EPB41L3: variants seen among roughly 807,000 people sequenced by gnomAD.
EPB41L3 encodes the protein band 4.1-like protein 3.
A neutral mutation model predicts 127.1 loss-of-function variants in EPB41L3; 57 were observed. The observed-to-expected ratio is 0.45, with a 90% CI of 0.36 to 0.56. The LOEUF is 0.56. Among genes scored for constraint, EPB41L3 ranks in the 20% least tolerant of loss-of-function variants. The pLI, the probability that EPB41L3 is intolerant of heterozygous loss-of-function variation, is 0.00. For synonymous variants in EPB41L3, 572 were observed against 549.5 expected, an observed-to-expected ratio of 1.04 and a Z score of -0.57; for missense variants, 1,273 against 1,372.2, an observed-to-expected ratio of 0.93 and a Z score of 1.14.
At chr18:5,581,991 T>G (rs1253403994) in intron 3 of EPB41L3, among the ~76,000 whole-genome samples, 1 of 152,168 alleles carries the variant, frequency 6.6e-6, no homozygotes, top group Admixed American at 6.6e-5. Context: ...AGGGAGACCC[T>G]GTCTTAAAAA....
At chr18:5,423,874 T>C (rs529371424) in intron 10 of EPB41L3, among the ~76,000 whole-genome samples, 1 of 152,238 alleles carries the variant, frequency 6.6e-6, no homozygotes, top group Admixed American at 6.5e-5. Flanking sequence ...GAGTGACAAT[T>C]TGGTGTTGGG....
chr18:5,548,229 A>C (rs2093912631), upstream of EPB41L3, among the ~76,000 whole-genome samples: 1 of 152,216 alleles, frequency 6.6e-6, no homozygotes, highest in Non-Finnish European at 1.5e-5. Flanking sequence ...CATAATTCAA[A>C]AGCAACAAGC....
chr18:5,501,277 A>AAATGAATGAATG lies in EPB41L3; in HGVS notation c.-11-12095_-11-12084dup, dbSNP rs77332925. Among the ~76,000 whole-genome samples, 75 of 150,994 alleles carry AAATGAATGAATG rather than the reference A, an allele frequency of 5.0e-4. 2 individuals carry two copies. The East Asian group carries it at 8.3e-3, about 17-fold the overall frequency. On this transcript the variant is annotated intron_variant, in intron 1 of 22. Coordinates refer to ENST00000341928, the MANE Select transcript of EPB41L3 (RefSeq NM_012307.5). Reference sequence around the variant, plus strand: ...GCAGACTGGGGGTCATTAAGTATTTAAATGAATGAATGAATGAATGAATGA... The same window carrying AAATGAATGAATG: ...GCAGACTGGGGGTCATTAAGTATTTAAATGAATGAATGAATGAATGAATGAATGAATGAATGA...
chr18:5,418,048 TGAA>T (rs897770276), intron 12 of EPB41L3, among the ~76,000 whole-genome samples: 2 of 152,332 alleles, frequency 1.3e-5, no homozygotes, highest in African/African-American at 4.8e-5. Flanking sequence ...CGTTACTTTT[TGAA>T]GAAGGAGAAG....
intron 3 of EPB41L3, among the ~76,000 whole-genome samples, chr18:5,580,407 T>C (rs181021794): frequency 6.6e-6 from 1 of 151,940 alleles, no homozygotes; most frequent in African/African-American, 2.4e-5. Flanking sequence ...TATAGACACA[T>C]ATATAGATAC....
At chr18:5,591,693 G>C (rs963540765) in intron 3 of EPB41L3, among the ~76,000 whole-genome samples, 1 of 152,172 alleles carries the variant, frequency 6.6e-6, no homozygotes. Context: ...TTTTGGATGT[G>C]TCATTTTTCT....
intron 1 of EPB41L3, among the ~76,000 whole-genome samples, chr18:5,619,218 G>T (rs1299669874): frequency 6.6e-6 from 1 of 152,160 alleles, no homozygotes; most frequent in Non-Finnish European, 1.5e-5. Context: ...AGGCAGAAAA[G>T]AAGAAGAGCA....
intron 2 of EPB41L3, among the ~76,000 whole-genome samples, chr18:5,486,132 T>C (rs908541731): frequency 6.6e-6 from 1 of 151,946 alleles, no homozygotes; most frequent in African/African-American, 2.4e-5. Context: ...GGTACTGGCA[T>C]AAAAATAGAT....
intron 3 of EPB41L3, among the ~76,000 whole-genome samples, chr18:5,583,769 A>T (rs2143297932): frequency 6.6e-6 from 1 of 152,288 alleles, no homozygotes; most frequent in African/African-American, 2.4e-5. Context: ...TGCCTTTGAA[A>T]CTTTCAAGTT....
chr18:5,590,375 T>C (rs777249795), intron 3 of EPB41L3, among the ~76,000 whole-genome samples: 3 of 152,152 alleles, frequency 2.0e-5, no homozygotes, highest in Non-Finnish European at 4.4e-5. Context: ...TTAGAATGGC[T>C]TAAGAAAAAG....
chr18:5,506,315 T>C (rs113028096), intron 1 of EPB41L3, among the ~76,000 whole-genome samples: 4 of 152,182 alleles, frequency 2.6e-5, no homozygotes, highest in African/African-American at 9.6e-5. Flanking sequence ...CTGGATACGC[T>C]GGCCTGAAAG....
At chr18:5,518,904 T>C (rs892336944) in intron 1 of EPB41L3, among the ~76,000 whole-genome samples, 1 of 152,216 alleles carries the variant, frequency 6.6e-6, no homozygotes, top group Non-Finnish European at 1.5e-5. Flanking sequence ...GCTTTTTCTT[T>C]TGATACAAAT....
chr18:5,442,787 A>T (rs1487694188), intron 5 of EPB41L3, among the ~76,000 whole-genome samples: 1 of 152,216 alleles, frequency 6.6e-6, no homozygotes, highest in East Asian at 1.9e-4. Context: ...AAAAAATTTT[A>T]AAAACTCCTC....
At chr18:5,417,150 C>T (rs1031261568) in intron 12 of EPB41L3, among the ~76,000 whole-genome samples, 2 of 152,160 alleles carry the variant, frequency 1.3e-5, no homozygotes, top group African/African-American at 4.8e-5. Context: ...CATGCTTTGC[C>T]AGTATTTACT....
chr18:5,401,199 T>C (rs1052651354), intron 16 of EPB41L3, among the ~76,000 whole-genome samples: 2 of 152,186 alleles, frequency 1.3e-5, no homozygotes, highest in Non-Finnish European at 2.9e-5. Context: ...AAGGAGTAAA[T>C]TATTGTTTAT....
At chr18:5,628,666 T>C (rs781762412) in intron 1 of EPB41L3, among the ~76,000 whole-genome samples, 58 of 152,326 alleles carry the variant, frequency 3.8e-4, no homozygotes, top group Non-Finnish European at 5.3e-4. Context: ...AGGCGGCGGC[T>C]TCACTTCTGC....
chr18:5,587,190 G>C (rs927252897), intron 3 of EPB41L3, among the ~76,000 whole-genome samples: 2 of 152,172 alleles, frequency 1.3e-5, no homozygotes, highest in East Asian at 3.9e-4. Flanking sequence ...AGCAGGGAAG[G>C]GCAGAAGTTA....
At position 5,543,545 on chromosome 18, in the gene EPB41L3, T is replaced by C. The variant is rs900637865; in HGVS notation, c.-12+368A>G. The C allele has an allele frequency of 2.7e-5, 4 of 147,028 alleles. No individual in the cohort carries two copies. Among genetic ancestry groups the C allele is most frequent in the African/African-American group, 7.3e-5 (3 of 40,868 alleles). The allele number at this position is 147,028 out of a possible 1,614,324, so 9.1% of individuals were successfully genotyped here. Reference sequence around the variant, plus strand: ...GCCCCGGGCGGGGGATTTGTGCAAATTGGCGGAGAAGGGACGCGGGGACCG... The same window carrying C: ...GCCCCGGGCGGGGGATTTGTGCAAACTGGCGGAGAAGGGACGCGGGGACCG... On this transcript the variant is annotated intron_variant, in intron 1 of 22. Coordinates refer to ENST00000341928, the MANE Select transcript of EPB41L3 (RefSeq NM_012307.5). The surrounding 1 kb of genome is among the most constrained non-coding windows in gnomAD (Gnocchi z 5.2).
rs148159951 is a variant in EPB41L3 at position 5,627,511 on chromosome 18, C to T, written c.-468+1411G>A. ...CTTATTTGAAGTGATTTCACCAATC[C>T]CAAAGAGTTTAAAAACACAACTCAT... On this transcript the variant is annotated intron_variant, in intron 1 of 21. Transcript: ENST00000545076. 1.0e-3 allele frequency among the ~76,000 whole-genome samples: 157 copies of T among 152,162 alleles called. No individual in the cohort carries two copies. The East Asian group carries it at 0.022, about 22-fold the overall frequency.
Sources: gnomAD v4.1 joint callset for allele counts (sites outside exome capture counted in the v4.1 genomes callset) on GRCh38, gnomAD v4.1.1 for gene constraint, Gnocchi (gnomAD v3.1) non-coding constraint, MANE v1.5 for transcripts, NCBI Gene and HGNC (gene_info 2026-07-23, HGNC 2026-07-21) for gene names.